The following NTMT2 variants were observed in gnomAD, a reference collection of about 807,000 sequenced individuals.
NTMT2 encodes the protein X-Pro-Lys N-terminal protein methyltransferase 1B.
NTMT2 carries 21 observed loss-of-function variants against 23.4 expected under a neutral mutation model. The observed-to-expected ratio is 0.90, with a 90% confidence interval of 0.64 to 1.29. The LOEUF is 1.29. Among genes scored for constraint, NTMT2 ranks in the 50% most tolerant of loss-of-function variants. The pLI is 0.00. For synonymous variants in NTMT2, 131 were observed against 127.7 expected, an observed-to-expected ratio of 1.03 and a Z score of -0.17; for missense variants, 336 against 352.0, an observed-to-expected ratio of 0.95 and a Z score of 0.36.
intron 2 of NTMT2, among the ~76,000 whole-genome samples, chr1:170,164,967 A>ATT (rs1434826546): frequency 6.6e-6 from 1 of 152,124 alleles, no homozygotes; most frequent in East Asian, 1.9e-4. Flanking sequence ...TTTGTTCTTC[A>ATT]TTGTACTTTT....
intron 1 of NTMT2, among the ~76,000 whole-genome samples, chr1:170,146,846 C>A (rs1003001509): frequency 2.1e-5 from 3 of 141,730 alleles, no homozygotes; most frequent in Non-Finnish European, 4.6e-5. Flanking sequence ...TTTGTTATCT[C>A]CTCTAGTTTT....
In NTMT2 at chr1:170,146,190, T is replaced by G. The variant is rs191991364; in HGVS notation, c.83T>G (p.Phe28Cys). The G allele has an allele frequency of 2.6e-4, 410 of 1,551,474 alleles. 2 individuals carry two copies. The African/African-American group carries it at 4.8e-3, about 18-fold the overall frequency. ...DDELCRHSMS[F>C]ILHKAIRNDF... ...GAACTCTGTAGACATAGCATGTCTTTTATCCTTCACAAAGCCATTCGCAAT... is the reference window on the plus strand; with the variant it reads ...GAACTCTGTAGACATAGCATGTCTTGTATCCTTCACAAAGCCATTCGCAAT... The change falls in exon 1 of 4, where the codon TTT becomes TGT. Residue 28 changes from phenylalanine to cysteine, a missense_variant. By Grantham distance (205) the Phe-to-Cys change is radical (BLOSUM62 -2). Transcript: ENST00000439373.
chr1:170,146,082 AGG>A lies in NTMT2; in HGVS notation c.-25_-24del. On this transcript the variant is annotated 5_prime_UTR_variant, in exon 1 of 4. The change abolishes the stop of an existing upstream ORF in the 5' untranslated region. Transcript: ENST00000439373. ...AGCAAGGCAAGCTTCCTTTCTCTGT[AGG>A]AATCATTATTATCCCCCTTTGTCAT... 6.5e-7 allele frequency: 1 copy of A among 1,542,388 alleles called. No homozygotes were observed. Among genetic ancestry groups the A allele is most frequent in the Non-Finnish European group, 8.8e-7 (1 of 1,142,820 alleles).
Position 170,167,719 on chromosome 1 carries a change from G to C in NTMT2, c.814G>C (p.Val272Leu). ...TGGCTTCCCAGAGCAGTGCATCCCC[G>C]TGTGGATGTTCGCACTGCACAGCGA... Reference protein sequence around the residue: ...QDGFPEQCIPVWMFALHSDRH... With the variant: ...QDGFPEQCIPLWMFALHSDRH... Residue 272 changes from valine to leucine, a missense_variant, in exon 4 of 4, where the codon GTG (valine) becomes CTG (leucine). Val to Leu is a conservative substitution (Grantham distance 32). Transcript: ENST00000439373. 6.4e-7 allele frequency: 1 copy of C among 1,551,254 alleles called. No individual in the cohort carries two copies. Among genetic ancestry groups the C allele is most frequent in the Non-Finnish European group, 8.7e-7 (1 of 1,146,876 alleles).
chr1:170,150,108 G>C (rs1182473296), intron 1 of NTMT2, among the ~76,000 whole-genome samples: 3 of 152,108 alleles, frequency 2.0e-5, no homozygotes, highest in African/African-American at 7.2e-5. Context: ...TTGTTGTTTG[G>C]GGTAATTATA....
intron 1 of NTMT2, among the ~76,000 whole-genome samples, chr1:170,154,970 T>C (rs1181579728): frequency 6.6e-6 from 1 of 151,944 alleles, no homozygotes; most frequent in Admixed American, 6.6e-5. Flanking sequence ...TGTGACTGAG[T>C]TCTTATGAGA....
At position 170,166,424 on chromosome 1, in the gene NTMT2, A is replaced by G. The variant is rs1673387386; in HGVS notation, c.331-78A>G. 6.7e-6 allele frequency: 10 copies of G among 1,491,992 alleles called. No individual in the cohort carries two copies. In the South Asian group the frequency reaches 1.3e-4, roughly 19 times the overall value. 92.4% of individuals were successfully genotyped at this position (1,491,992 alleles called of 1,614,324 possible). ...CCAAAGTGCTGGGATTACAAGCGTG[A>G]GCCACCGCGCCCGGCCTGGGTGTGC... On this transcript the variant is annotated intron_variant, in intron 2 of 3. Coordinates refer to ENST00000439373, the MANE Select transcript of NTMT2 (RefSeq NM_001136107.2).
chr1:170,148,297 C>T (rs1056604901), intron 1 of NTMT2, among the ~76,000 whole-genome samples: 3 of 151,388 alleles, frequency 2.0e-5, no homozygotes, highest in African/African-American at 4.9e-5. Context: ...TACAGTCCCC[C>T]GCTACCATGC....
chr1:170,166,128 T>TC (rs1368368135), intron 2 of NTMT2, among the ~76,000 whole-genome samples: 7 of 66,094 alleles, frequency 1.1e-4, no homozygotes, highest in African/African-American at 2.2e-4. Context: ...TTTCTTTCTT[T>TC]TTTTTTTTTT....
chr1:170,148,906 A>G (rs1037045065), intron 1 of NTMT2, among the ~76,000 whole-genome samples: 2 of 152,200 alleles, frequency 1.3e-5, no homozygotes, highest in Non-Finnish European at 2.9e-5. Context: ...CATCTATTAC[A>G]TCTGCTTAGA....
At position 170,146,043 on chromosome 1, in the gene NTMT2, T is replaced by G. The variant is rs1672956205; in HGVS notation, c.-65T>G. 47 of 1,419,058 alleles carry G rather than the reference T, an allele frequency of 3.3e-5. No individual in the cohort carries two copies. In the South Asian group the frequency reaches 5.7e-4, roughly 17 times the overall value. The allele number at this position is 1,419,058 out of a possible 1,614,324, so 87.9% of individuals were successfully genotyped here. On this transcript the variant is annotated 5_prime_UTR_variant, in exon 1 of 4. Transcript: ENST00000439373. Reference sequence around the variant, plus strand: ...TCAAGTTCATTTAGAAAGAGAAGGCTAATTCAAAGAAACAGCAAGGCAAGC... The same window carrying G: ...TCAAGTTCATTTAGAAAGAGAAGGCGAATTCAAAGAAACAGCAAGGCAAGC...
At chr1:170,164,584 T>C (rs958984029) in intron 2 of NTMT2, among the ~76,000 whole-genome samples, 4 of 152,200 alleles carry the variant, frequency 2.6e-5, no homozygotes, top group Admixed American at 2.6e-4. Context: ...CACATGGCAG[T>C]ATATTACCAC....
At chr1:170,166,331 C>T (rs1199680631) in intron 2 of NTMT2, among the ~76,000 whole-genome samples, 171 bp from the exon 3 acceptor site, 4 of 146,648 alleles carry the variant, frequency 2.7e-5, no homozygotes, top group Non-Finnish European at 6.0e-5. Flanking sequence ...TTAGTAGAGA[C>T]GGGGTTTCAC....
At position 170,167,527 on chromosome 1, in the gene NTMT2, T is replaced by C. The variant is rs1276967389; in HGVS notation, c.622T>C (p.Cys208Arg). Residue 208 changes from cysteine (C) to arginine (R), a missense_variant, in exon 4 of 4, where the codon TGC (cysteine) becomes CGC (arginine). Coordinates refer to ENST00000439373, the MANE Select transcript of NTMT2 (RefSeq NM_001136107.2). ...GGACCTTCTTGCATTTCTTTCCCGG[T>C]GCCGAGATGGCCTGAAAGAAAATGG... ...DKDLLAFLSR[C>R]RDGLKENGII... The C allele has an allele frequency of 1.3e-6, 2 of 1,551,526 alleles. No individual in the cohort carries two copies. Among genetic ancestry groups the C allele is most frequent in the Admixed American group, 3.9e-5 (2 of 50,978 alleles).
chr1:170,157,106 C>A (rs533708315), intron 1 of NTMT2, among the ~76,000 whole-genome samples: 1 of 152,106 alleles, frequency 6.6e-6, no homozygotes, highest in East Asian at 1.9e-4. Flanking sequence ...TTGGTGATGG[C>A]TGGTTTCTGT....
chr1:170,166,498 G>A lies in NTMT2; in HGVS notation c.331-4G>A, dbSNP rs1363190879. ...ACTTGAAATATCAAGGTGCCTTTCTGCAGGGGCCTGGGAGAGCTGGAACAG... is the reference window on the plus strand; with the variant it reads ...ACTTGAAATATCAAGGTGCCTTTCTACAGGGGCCTGGGAGAGCTGGAACAG... On this transcript the variant is annotated splice_polypyrimidine_tract_variant and splice_region_variant and intron_variant, in intron 2 of 3. Coordinates refer to ENST00000439373, the MANE Select transcript of NTMT2 (RefSeq NM_001136107.2). 1 of 1,552,118 alleles carries A rather than the reference G, an allele frequency of 6.4e-7. No individual in the cohort carries two copies. Among genetic ancestry groups the A allele is most frequent in the African/African-American group, 1.4e-5 (1 of 73,002 alleles).
rs1673446233 is a variant in NTMT2, at chr1:170,168,656, C to A, written c.*899C>A. ...GAGAAAATGTTGTGCCCTGAAATTT[C>A]AACCTTTAACATATAAGTAAATGTC... On this transcript the variant is annotated 3_prime_UTR_variant, in exon 4 of 4. Transcript: ENST00000439373. Among the ~76,000 whole-genome samples, 1 of 152,216 alleles carries A rather than the reference C, an allele frequency of 6.6e-6. No individual in the cohort carries two copies. The highest frequency in any genetic ancestry group is 6.5e-5 in the Admixed American group (1 of 15,282).
chr1:170,153,493 C>T (rs72715953), intron 1 of NTMT2, among the ~76,000 whole-genome samples: 6,964 of 152,300 alleles, frequency 0.046, 224 homozygotes, highest in Non-Finnish European at 0.074. Context: ...GCTGAGATCT[C>T]AGATGGAAAT....
At position 170,166,742 on chromosome 1, in the gene NTMT2, T is replaced by A; in HGVS notation, c.571T>A (p.Trp191Arg). The A allele has an allele frequency of 1.3e-6, 2 of 1,552,338 alleles. No homozygotes were observed. The highest frequency in any genetic ancestry group is 1.7e-6 in the Non-Finnish European group (2 of 1,147,116). The change falls in exon 3 of 4, where the codon TGG becomes AGG. Residue 191 changes from tryptophan to arginine, a missense_variant. Transcript: ENST00000439373. ...GAGATATGATGTCATCTGGATTCAG[T>A]GGGTCTCTGGTTAGTCCTGCATGAC... ...FRRYDVIWIQ[W>R]VSGHLTDKDL...
Sources: allele counts gnomAD v4.1 joint callset (sites outside exome capture counted in the v4.1 genomes callset), GRCh38; gene constraint gnomAD v4.1.1; transcripts MANE v1.5; gene names NCBI Gene and HGNC (gene_info 2026-07-23, HGNC 2026-07-21).